The following PATJ variants were observed in gnomAD, a reference collection of about 807,000 sequenced individuals.
PATJ encodes the protein PATJ crumbs cell polarity complex component.
Under a neutral mutation model 224.9 loss-of-function variants are expected in PATJ, and 190 were observed. The observed-to-expected ratio is 0.84, with a 90% confidence interval of 0.75 to 0.95. The LOEUF is 0.95. Among genes scored for constraint, PATJ ranks in the 40% least tolerant of loss-of-function variants. The pLI is 0.00. For missense variants in PATJ, 2,121 were observed against 2,270.3 expected (o/e 0.93, Z 1.34); for synonymous variants, 769 against 820.3 (o/e 0.94, Z 1.07).
chr1:62,109,891 ATCAATTATACC>A (rs1316495247), intron 34 of PATJ, among the ~76,000 whole-genome samples: 2 of 152,204 alleles, frequency 1.3e-5, no homozygotes, highest in Non-Finnish European at 2.9e-5. Context: ...TTTATTTTAT[ATCAATTATACC>A]TCAATAAGGA....
intron 17 of PATJ, chr1:61,852,720 G>C (rs1285886743): frequency 1.3e-5 from 2 of 152,070 alleles, no homozygotes; most frequent in Non-Finnish European, 2.9e-5. Context: ...TCAGAAAATG[G>C]ACCTTTCTGA....
intron 33 of PATJ, among the ~76,000 whole-genome samples, chr1:62,105,061 A>G (rs1318463903): frequency 6.6e-6 from 1 of 152,212 alleles, no homozygotes; most frequent in East Asian, 1.9e-4. Context: ...AGAATTTTAA[A>G]TACAGAAAGA....
At chr1:62,093,041 C>A (rs1295339804) in intron 33 of PATJ, among the ~76,000 whole-genome samples, 1 of 152,160 alleles carries the variant, frequency 6.6e-6, no homozygotes, top group African/African-American at 2.4e-5. Flanking sequence ...CTGTGCCCAG[C>A]CGAGAGTTAG....
chr1:61,899,745 C>A (rs1010560665), intron 23 of PATJ, 91 bp downstream of exon 23: 2 of 785,922 alleles, frequency 2.5e-6, no homozygotes, highest in Non-Finnish European at 1.9e-6. Context: ...TAGTCCTACT[C>A]TAATGATTGA....
intron 21 of PATJ, among the ~76,000 whole-genome samples, chr1:61,882,155 G>C (rs1668190138): frequency 6.6e-6 from 1 of 152,064 alleles, no homozygotes; most frequent in Non-Finnish European, 1.5e-5. Context: ...ACAAATTAAT[G>C]TATAATATGA....
intron 32 of PATJ, among the ~76,000 whole-genome samples, chr1:62,079,921 G>A (rs759388961): frequency 1.3e-5 from 2 of 151,772 alleles, no homozygotes; most frequent in Non-Finnish European, 2.9e-5. Context: ...CCAGCTACTC[G>A]GGAGGCTGAG....
intron 27 of PATJ, chr1:61,952,004 C>T (rs1312578520): frequency 1.0e-5 from 2 of 199,246 alleles, no homozygotes; most frequent in Non-Finnish European, 2.0e-5. Context: ...TATAATGCCT[C>T]CTGTTCTGAA....
intron 1 of PATJ, among the ~76,000 whole-genome samples, chr1:61,745,748 C>T (rs1455634310): frequency 2.6e-5 from 4 of 151,168 alleles, no homozygotes; most frequent in Non-Finnish European, 4.4e-5. Context: ...GGATTACAGG[C>T]GCCTGCCACC....
intron 34 of PATJ, among the ~76,000 whole-genome samples, chr1:62,109,481 T>C (rs1663536461): frequency 6.6e-6 from 1 of 152,220 alleles, no homozygotes; most frequent in Non-Finnish European, 1.5e-5. Flanking sequence ...AGGCCTTTAC[T>C]GTGTTTCATC....
At chr1:61,746,644 TTG>T (rs1271849403) in intron 1 of PATJ, among the ~76,000 whole-genome samples, 3 of 151,458 alleles carry the variant, frequency 2.0e-5, no homozygotes, top group Non-Finnish European at 4.4e-5. Context: ...AGAAAAATAG[TTG>T]TGTTTGAAGC....
At position 61,942,050 on chromosome 1, in the gene PATJ, T is replaced by C. The variant is rs892909883; in HGVS notation, c.3670+14221T>C. On this transcript the variant is annotated intron_variant, in intron 27 of 43. Coordinates refer to ENST00000642238, the MANE Select transcript of PATJ (RefSeq NM_001350145.3). ...TCAGTGGTGCCATGAATGATGTATC[T>C]TTCATTTGGCCTTCTGGAGGTCAAA... Among the ~76,000 whole-genome samples, 97 of 152,338 alleles carry C rather than the reference T, an allele frequency of 6.4e-4. 1 individual carries two copies. The highest frequency in any genetic ancestry group is 6.1e-3 in the Admixed American group (93 of 15,304).
At chr1:61,862,562 C>T (rs979072867) in intron 19 of PATJ, among the ~76,000 whole-genome samples, 12 of 152,066 alleles carry the variant, frequency 7.9e-5, no homozygotes, top group African/African-American at 2.2e-4. Context: ...AAAGGCACGA[C>T]GTAAAGCATT....
intron 5 of PATJ, among the ~76,000 whole-genome samples, chr1:61,770,325 C>G (rs1227194110): frequency 6.6e-6 from 1 of 152,206 alleles, no homozygotes; most frequent in East Asian, 1.9e-4. Context: ...TACAGTAAAC[C>G]AGGACAGAGT....
At chr1:62,020,169 A>G (rs1646998785) in intron 29 of PATJ, among the ~76,000 whole-genome samples, 1 of 146,364 alleles carries the variant, frequency 6.8e-6, no homozygotes, top group African/African-American at 2.6e-5. Context: ...CCTTGTCTCA[A>G]AAAAAAAAAA....
At chr1:61,769,906 A>T (rs1056516146) in intron 5 of PATJ, among the ~76,000 whole-genome samples, 1 of 152,066 alleles carries the variant, frequency 6.6e-6, no homozygotes, top group African/African-American at 2.4e-5. Flanking sequence ...TATTATGCTT[A>T]TTGTCAGTTA....
intron 1 of PATJ, among the ~76,000 whole-genome samples, chr1:61,752,168 T>C (rs970659502): frequency 6.6e-6 from 1 of 150,570 alleles, no homozygotes; most frequent in Non-Finnish European, 1.5e-5. Flanking sequence ...GCCTACCATA[T>C]AGCAGTTTAA....
chr1:62,035,695 A>C (rs977441279), intron 29 of PATJ, among the ~76,000 whole-genome samples: 1 of 150,514 alleles, frequency 6.6e-6, no homozygotes, highest in African/African-American at 2.4e-5. Flanking sequence ...CATAGGGAGT[A>C]GGACGGACAT....
At chr1:61,964,513 G>C (rs978976181) in intron 27 of PATJ, among the ~76,000 whole-genome samples, 1 of 152,162 alleles carries the variant, frequency 6.6e-6, no homozygotes, top group African/African-American at 2.4e-5. Flanking sequence ...TTAAGGCTGG[G>C]TGCAGTGGCT....
At chr1:61,792,716 G>A (rs1650154450) in intron 9 of PATJ, among the ~76,000 whole-genome samples, 1 of 152,040 alleles carries the variant, frequency 6.6e-6, no homozygotes, top group South Asian at 2.1e-4. Flanking sequence ...TTTTAGCTGA[G>A]ACAGGGTTTC....
Sources: allele counts gnomAD v4.1 joint callset (sites outside exome capture counted in the v4.1 genomes callset), GRCh38; gene constraint gnomAD v4.1.1; transcripts MANE v1.5; gene names NCBI Gene and HGNC (gene_info 2026-07-23, HGNC 2026-07-21).